Variants in VWA8 observed in about 807,000 individuals in gnomAD.
The protein encoded by VWA8 is von Willebrand factor A domain-containing protein 8.
A neutral mutation model predicts 241.5 loss-of-function variants in VWA8; 221 were observed. The observed-to-expected ratio is 0.91, with a 90% CI of 0.82 to 1.02. The LOEUF (loss-of-function observed/expected upper bound fraction) is 1.02. Among genes scored for constraint, VWA8 ranks in the 50% least tolerant of loss-of-function variants. The probability of loss-of-function intolerance (pLI) is 0.00; values close to 1 mark genes in which losing one functional copy is unlikely to be tolerated. For synonymous variants in VWA8, 852 were observed against 827.1 expected, an observed-to-expected ratio of 1.03 and a Z score of -0.52; for missense variants, 2,322 against 2,328.7, an observed-to-expected ratio of 1.00 and a Z score of 0.06.
intron 21 of VWA8, among the ~76,000 whole-genome samples, chr13:41,732,809 ATG>A (rs2045495205): frequency 6.6e-6 from 1 of 152,204 alleles, no homozygotes; most frequent in South Asian, 2.1e-4. Flanking sequence ...GGCTATCCTG[ATG>A]TTAAGAACCT....
At chr13:41,671,868 CTT>C (rs2045028044) in intron 36 of VWA8, among the ~76,000 whole-genome samples, 1 of 152,194 alleles carries the variant, frequency 6.6e-6, no homozygotes, top group African/African-American at 2.4e-5. Flanking sequence ...ATATTTGTCA[CTT>C]AAGCTACCCA....
At chr13:41,852,444 A>AT (rs1872565315) in intron 12 of VWA8, among the ~76,000 whole-genome samples, 1 of 152,032 alleles carries the variant, frequency 6.6e-6, no homozygotes, top group African/African-American at 2.4e-5. Context: ...AGTTTGATGC[A>AT]TTTATCTCAT....
At chr13:41,712,159 A>G (rs1283813345) in intron 26 of VWA8, among the ~76,000 whole-genome samples, 1 of 152,158 alleles carries the variant, frequency 6.6e-6, no homozygotes, top group Non-Finnish European at 1.5e-5. Flanking sequence ...GTTAGGTAGA[A>G]GAGATATGTT....
intron 12 of VWA8, among the ~76,000 whole-genome samples, chr13:41,851,283 T>A (rs936852485): frequency 6.6e-6 from 1 of 152,318 alleles, no homozygotes; most frequent in African/African-American, 2.4e-5. Context: ...CCCCACCAGA[T>A]TCTATGAGTT....
rs530358240 is a variant in VWA8, at chr13:41,590,366, TA to T, written c.5112+273del. Among the ~76,000 whole-genome samples the T allele has an allele frequency of 4.7e-3, 709 of 152,282 alleles. 13 individuals carry two copies. Among genetic ancestry groups the T allele is most frequent in the South Asian group, 7.9e-3 (38 of 4,828 alleles). On this transcript the variant is annotated intron_variant, in intron 41 of 44. Coordinates refer to ENST00000379310, the MANE Select transcript of VWA8 (RefSeq NM_015058.2). ...TTTTGATTTTCCTAAACCCCACCCTTATTTTTGTAAATAGTCTTTGTACTGA... is the reference window on the plus strand; with the variant it reads ...TTTTGATTTTCCTAAACCCCACCCTTTTTTTGTAAATAGTCTTTGTACTGA...
chr13:41,717,142 G>A (rs966600780), intron 26 of VWA8, among the ~76,000 whole-genome samples: 1 of 151,788 alleles, frequency 6.6e-6, no homozygotes, highest in Non-Finnish European at 1.5e-5. Flanking sequence ...GCATATTCTG[G>A]CCTGGCCAGG....
chr13:41,642,490 C>T (rs1027189001), intron 37 of VWA8, among the ~76,000 whole-genome samples: 44 of 144,632 alleles, frequency 3.0e-4, no homozygotes, highest in African/African-American at 9.6e-4. Context: ...ACCTGGGAGG[C>T]GGAGACTACA....
chr13:41,784,729 T>TATATATATATATATATATATAC (rs772522331), intron 18 of VWA8, among the ~76,000 whole-genome samples: 1 of 60,080 alleles, frequency 1.7e-5, no homozygotes, highest in Non-Finnish European at 3.6e-5. Context: ...TATATATATA[T>TATATATATATATATATATATAC]ACACACACAT....
chr13:41,702,164 A>T (rs1239979497), intron 27 of VWA8, among the ~76,000 whole-genome samples: 1 of 152,212 alleles, frequency 6.6e-6, no homozygotes, highest in East Asian at 1.9e-4. Context: ...CTTAGATATG[A>T]CTTCTTGAAA....
chr13:41,661,431 G>C (rs1158951659), intron 37 of VWA8, among the ~76,000 whole-genome samples: 1 of 152,140 alleles, frequency 6.6e-6, no homozygotes, highest in Non-Finnish European at 1.5e-5. Flanking sequence ...GGGCATGGTG[G>C]ATAAAGAGCA....
chr13:41,823,049 T>C (rs532364444), intron 14 of VWA8, among the ~76,000 whole-genome samples: 2 of 152,280 alleles, frequency 1.3e-5, no homozygotes, highest in South Asian at 4.1e-4. Flanking sequence ...AATCAGAATT[T>C]CCTTAAGGCT....
chr13:41,813,694 G>A (rs1870567296), intron 16 of VWA8, among the ~76,000 whole-genome samples: 2 of 152,086 alleles, frequency 1.3e-5, no homozygotes, highest in South Asian at 4.1e-4. Flanking sequence ...GCACCAAAAT[G>A]CTTTGCAGTA....
chr13:41,737,778 T>C (rs2045537078), intron 21 of VWA8, among the ~76,000 whole-genome samples: 1 of 152,174 alleles, frequency 6.6e-6, no homozygotes, highest in Non-Finnish European at 1.5e-5. Flanking sequence ...TTGCATTGTA[T>C]TCGTAAGGTA....
chr13:41,921,197 T>C (rs569702896), intron 2 of VWA8, among the ~76,000 whole-genome samples: 2 of 152,184 alleles, frequency 1.3e-5, no homozygotes, highest in South Asian at 2.1e-4. Flanking sequence ...CACATGATTA[T>C]CTCAATAGAT....
intron 37 of VWA8, among the ~76,000 whole-genome samples, chr13:41,623,462 T>C (rs908757812): frequency 6.6e-6 from 1 of 152,202 alleles, no homozygotes; most frequent in Non-Finnish European, 1.5e-5. Context: ...AACTAACTGA[T>C]TCATGTATTA....
At chr13:41,811,092 G>T in intron 17 of VWA8, 133 bp downstream of exon 17, 1 of 694,072 alleles carries the variant, frequency 1.4e-6, no homozygotes, top group Non-Finnish European at 2.3e-6. Flanking sequence ...ATCAGTGAAG[G>T]CAAGGCTGAA....
At chr13:41,933,882 T>G (rs931519724) in intron 2 of VWA8, among the ~76,000 whole-genome samples, 3 of 151,678 alleles carry the variant, frequency 2.0e-5, no homozygotes, top group Non-Finnish European at 4.4e-5. Flanking sequence ...AGAAAAGAAG[T>G]CTTTGTGACC....
chr13:41,862,278 C>T (rs1286848080), intron 12 of VWA8, among the ~76,000 whole-genome samples: 1 of 152,270 alleles, frequency 6.6e-6, no homozygotes, highest in African/African-American at 2.4e-5. Context: ...AATCCTTTCA[C>T]CATATACAAA....
chr13:41,844,451 C>T (rs1872195380), intron 12 of VWA8, among the ~76,000 whole-genome samples: 1 of 152,166 alleles, frequency 6.6e-6, no homozygotes, highest in Non-Finnish European at 1.5e-5. Flanking sequence ...TGCCCACTCT[C>T]ATAACTCCTA....
Sources: allele counts gnomAD v4.1 joint callset (sites outside exome capture counted in the v4.1 genomes callset), GRCh38; gene constraint gnomAD v4.1.1; transcripts MANE v1.5; gene names NCBI Gene and HGNC (gene_info 2026-07-23, HGNC 2026-07-21).